The following KALRN variants were observed in gnomAD, a reference collection of about 807,000 sequenced individuals.
KALRN encodes the protein kalirin RhoGEF kinase, also known as kalirin.
In KALRN, 70 loss-of-function variants were observed where a neutral mutation model predicts 353.7. The ratio of observed to expected loss-of-function variants is 0.20; its 90% confidence interval spans 0.16 to 0.24. The LOEUF is 0.24. Ranked by LOEUF, KALRN falls within the 10% of genes least tolerant of loss-of-function variation. KALRN has a pLI of 1.00. For synonymous variants in KALRN, 1,391 were observed against 1,434.8 expected (o/e 0.97, Z 0.69); for missense variants, 2,791 against 3,756.7 (o/e 0.74, Z 6.72).
At chr3:124,246,398 C>T (rs2081122395) in intron 3 of KALRN, among the ~76,000 whole-genome samples, 1 of 152,208 alleles carries the variant, frequency 6.6e-6, no homozygotes, top group Non-Finnish European at 1.5e-5. Flanking sequence ...ACTAATATGG[C>T]CCCTTAACAG....
At chr3:124,669,122 T>G (rs2086052479) in intron 47 of KALRN, among the ~76,000 whole-genome samples, 1 of 152,188 alleles carries the variant, frequency 6.6e-6, no homozygotes. Flanking sequence ...TGTCCTACTT[T>G]TTTCAAGTGA....
intron 6 of KALRN, among the ~76,000 whole-genome samples, chr3:124,306,309 G>A (rs996008627): frequency 1.1e-4 from 16 of 151,906 alleles, no homozygotes; most frequent in Admixed American, 7.2e-4. Context: ...TTTTTTAAAG[G>A]AAATATGGAG....
intron 34 of KALRN, among the ~76,000 whole-genome samples, chr3:124,596,185 GA>G (rs5852417): frequency 0.21 from 28,390 of 136,064 alleles, 3,414 homozygotes; most frequent in East Asian, 0.49. Context: ...CCATCTTAAA[GA>G]AAAAAAAAAA....
chr3:124,537,211 T>G (rs71323869), intron 33 of KALRN, among the ~76,000 whole-genome samples: 5 of 152,122 alleles, frequency 3.3e-5, no homozygotes, highest in Admixed American at 6.5e-5. Flanking sequence ...CCAGCTAATT[T>G]TTGTATTTTT....
intron 51 of KALRN, among the ~76,000 whole-genome samples, chr3:124,687,642 A>T (rs1156400728): frequency 8.4e-6 from 1 of 118,796 alleles, no homozygotes; most frequent in Non-Finnish European, 2.1e-5. Context: ...ATTAATGATT[A>T]TACATTTTTT....
chr3:124,431,080 T>A (rs573031062), intron 16 of KALRN, among the ~76,000 whole-genome samples: 1 of 152,368 alleles, frequency 6.6e-6, no homozygotes, highest in East Asian at 1.9e-4. Flanking sequence ...ATTCTAAATA[T>A]GTACCATGTG....
chr3:124,307,758 T>G (rs914720513), intron 6 of KALRN, among the ~76,000 whole-genome samples: 3 of 151,920 alleles, frequency 2.0e-5, no homozygotes, highest in African/African-American at 7.2e-5. Flanking sequence ...ATGGCAGACA[T>G]AAACTCTATT....
chr3:124,463,206 A>G (rs2060011745), intron 25 of KALRN, among the ~76,000 whole-genome samples: 1 of 152,240 alleles, frequency 6.6e-6, no homozygotes, highest in South Asian at 2.1e-4. Context: ...AGCATGTTCC[A>G]TGGTTAACAA....
Position 124,455,198 on chromosome 3 carries a change from C to T in KALRN, c.3574C>T (p.Leu1192Phe), listed in dbSNP as rs748843236. ...GCAGCAAACAAAGGAGAAGGTGAAG[C>T]TTCTGATTCAGCTGGCCGATAGCTT... is the stretch of plus-strand genomic sequence containing the variant. ...PAKQTKEKVK[L>F]LIQLADSFVE... is the part of the protein sequence containing the mutation. The change falls in exon 22 of 60, where the codon CTT becomes TTT. Residue 1192 changes from leucine (L) to phenylalanine (F), a missense_variant. This residue lies in a region of KALRN where 268 missense variants were observed against 347.0 expected (regional missense o/e 0.77). Transcript: ENST00000682506. The T allele has an allele frequency of 6.2e-7, 1 of 1,614,110 alleles. No individual in the cohort carries two copies. The highest frequency in any genetic ancestry group is 1.1e-5 in the South Asian group (1 of 91,076).
At chr3:124,568,766 A>G (rs2110012731) in intron 34 of KALRN, among the ~76,000 whole-genome samples, 1 of 152,360 alleles carries the variant, frequency 6.6e-6, no homozygotes. Flanking sequence ...ATATGATTCC[A>G]TTTAAATGAA....
At position 124,270,824 on chromosome 3, in the gene KALRN, G is replaced by GTTTTTTTTTTTTTTTTTTTTTTT. The variant is rs777615656; in HGVS notation, c.969+1570_969+1592dup. On this transcript the variant is annotated intron_variant, in intron 5 of 59. Coordinates refer to ENST00000682506, the MANE Select transcript of KALRN (RefSeq NM_001388419.1). ...TTTTCTTTGTTTATTTTTTTGTTTT[G>GTTTTTTTTTTTTTTTTTTTTTTT]TTTTTTTTTTTTTTTTTTTTTTTGA... is the stretch of plus-strand genomic sequence containing the variant. Among the ~76,000 whole-genome samples the GTTTTTTTTTTTTTTTTTTTTTTT allele has an allele frequency of 3.8e-5, 3 of 78,654 alleles. 1 individual carries two copies. 51.6% of individuals were successfully genotyped at this position (78,654 alleles called of 152,430 possible). A position where few individuals can be genotyped will look rare whatever the true frequency, so the allele number is the denominator to read the frequency against.
rs540238694 is a variant in KALRN at position 124,274,628 on chromosome 3, T to C, written c.969+5373T>C. On this transcript the variant is annotated intron_variant, in intron 5 of 59. Transcript: ENST00000682506. ...GCCTATTATTGGTTTATGCAGCACA[T>C]TGTATTTGTTTAATGTGTAAATGCA... Among the ~76,000 whole-genome samples the C allele has an allele frequency of 2.6e-5, 4 of 152,322 alleles. 1 individual carries two copies. The South Asian group carries it at 6.2e-4, about 24-fold the overall frequency.
At chr3:124,433,685 T>G (rs1379718680) in intron 16 of KALRN, among the ~76,000 whole-genome samples, 1 of 151,998 alleles carries the variant, frequency 6.6e-6, no homozygotes, top group Non-Finnish European at 1.5e-5. Flanking sequence ...ATGGGGATTA[T>G]GTATTGAAGT....
intron 37 of KALRN, among the ~76,000 whole-genome samples, chr3:124,645,302 C>T (rs1036776831): frequency 6.6e-5 from 10 of 152,266 alleles, no homozygotes; most frequent in African/African-American, 2.4e-4. Flanking sequence ...ATGATAGTTT[C>T]TTTTGCTGTG....
Position 124,554,199 on chromosome 3 carries a change from T to C in KALRN, c.4936-8644T>C, listed in dbSNP as rs1431829956. Among the ~76,000 whole-genome samples the C allele has an allele frequency of 2.0e-5, 3 of 152,168 alleles. No individual in the cohort carries two copies. The East Asian group carries it at 5.8e-4, about 29-fold the overall frequency. ...GGCGAAACCCCATCTCCACTAAAAA[T>C]ACTAAAATTAGCCAGGTTTGGTGGC... On this transcript the variant is annotated intron_variant, in intron 33 of 59. Transcript: ENST00000682506.
chr3:124,411,832 G>A lies in KALRN; in HGVS notation c.2347-1638G>A, dbSNP rs2092187819. Among the ~76,000 whole-genome samples the A allele has an allele frequency of 2.6e-5, 4 of 151,978 alleles. 1 individual carries two copies. The South Asian group carries it at 6.2e-4, about 24-fold the overall frequency. ...AGAATGAAGTACTTTTCAAAGATGG[G>A]GCTTTAACAAAAACCTACTTTGCCT... On this transcript the variant is annotated intron_variant, in intron 13 of 59. Transcript: ENST00000682506.
chr3:124,270,610 C>T (rs183453937), intron 5 of KALRN, among the ~76,000 whole-genome samples: 160 of 152,104 alleles, frequency 1.1e-3, no homozygotes, highest in African/African-American at 3.6e-3. Flanking sequence ...TTGGGAACTT[C>T]TGACCTTTCT....
At chr3:124,482,425 G>A (rs373237576) in intron 27 of KALRN, among the ~76,000 whole-genome samples, 28 of 152,198 alleles carry the variant, frequency 1.8e-4, no homozygotes, top group African/African-American at 6.3e-4. Flanking sequence ...TGCCTTCCCT[G>A]TACTCTCATC....
At chr3:124,075,664 A>G (rs2060224833) in intron 1 of KALRN, among the ~76,000 whole-genome samples, 2 of 152,016 alleles carry the variant, frequency 1.3e-5, no homozygotes, top group Admixed American at 1.3e-4. Flanking sequence ...CACCCCATCT[A>G]TCCTGGAATT....
Sources: gnomAD v4.1 joint callset for allele counts (sites outside exome capture counted in the v4.1 genomes callset) on GRCh38, gnomAD v4.1.1 for gene constraint, gnomAD v4.1.1 regional missense constraint, MANE v1.5 for transcripts, NCBI Gene and HGNC (gene_info 2026-07-23, HGNC 2026-07-21) for gene names.